Variants in CFAP44 observed in about 807,000 individuals in gnomAD.
CFAP44 encodes the protein cilia- and flagella-associated protein 44.
In CFAP44, 134 loss-of-function variants were observed where a neutral mutation model predicts 216.2. That is an observed-to-expected ratio of 0.62 (90% CI 0.54 to 0.72). The LOEUF is 0.72. Among genes scored for constraint, CFAP44 ranks in the 30% least tolerant of loss-of-function variants. The pLI, the probability that CFAP44 is intolerant of heterozygous loss-of-function variation, is 0.00. For synonymous variants in CFAP44, 700 were observed against 727.6 expected (o/e 0.96, Z 0.61); for missense variants, 2,035 against 2,182.1 (o/e 0.93, Z 1.34).
At position 113,333,500 on chromosome 3, in the gene CFAP44, A is replaced by G; in HGVS notation, c.3521T>C (p.Phe1174Ser). The G allele has an allele frequency of 2.0e-6, 3 of 1,537,136 alleles. No homozygotes were observed. Among genetic ancestry groups the G allele is most frequent in the South Asian group, 1.2e-5 (1 of 84,054 alleles). The change falls in exon 25 of 35, where the codon TTC becomes TCC. Residue 1174 changes from phenylalanine to serine, a missense_variant. Phe to Ser is a radical substitution (Grantham distance 155). Coordinates refer to ENST00000393845, the MANE Select transcript of CFAP44 (RefSeq NM_001164496.2). Reference protein sequence around the residue: ...IKEAQVYMGDFNLKTAPDYKI... With the variant: ...IKEAQVYMGDSNLKTAPDYKI... ...GTAGTCTGGGGCTGTCTTCAGATTG[A>G]AATCTCCCATATACACCTGGGCTTC...
chr3:113,396,213 T>C (rs75433974), intron 14 of CFAP44, among the ~76,000 whole-genome samples: 10,965 of 152,214 alleles, frequency 0.072, 443 homozygotes, highest in East Asian at 0.15. Context: ...CTGAATAAAA[T>C]ACTGATTATA....
intron 2 of CFAP44, among the ~76,000 whole-genome samples, chr3:113,431,369 G>A (rs1935101506): frequency 6.6e-6 from 1 of 152,080 alleles, no homozygotes; most frequent in African/African-American, 2.4e-5. Flanking sequence ...AGGAAGGCAG[G>A]TCCTGAAGGC....
At chr3:113,420,972 A>G (rs1559944260) in intron 4 of CFAP44, among the ~76,000 whole-genome samples, 2 of 151,996 alleles carry the variant, frequency 1.3e-5, no homozygotes, top group Non-Finnish European at 2.9e-5. Flanking sequence ...TATAGAGTAA[A>G]ATTGTACTAA....
chr3:113,305,219 T>C, intron 30 of CFAP44, 67 bp from the exon 31 acceptor site: 1 of 1,323,058 alleles, frequency 7.6e-7, no homozygotes, highest in Non-Finnish European at 1.0e-6. Context: ...AGATGGTGAA[T>C]GAAGGCATCT....
At chr3:113,430,072 A>G (rs1008528619) in intron 2 of CFAP44, among the ~76,000 whole-genome samples, 1 of 152,146 alleles carries the variant, frequency 6.6e-6, no homozygotes. Flanking sequence ...TTGCTGGGAC[A>G]TAAGACCAGT....
intron 15 of CFAP44, among the ~76,000 whole-genome samples, chr3:113,393,806 C>T (rs570447794): frequency 2.5e-4 from 38 of 152,212 alleles, no homozygotes; most frequent in South Asian, 2.1e-3. Context: ...TGAGCCACCG[C>T]GCCTGATCTC....
chr3:113,329,065 A>G (rs1332186466), intron 26 of CFAP44, among the ~76,000 whole-genome samples: 3 of 152,208 alleles, frequency 2.0e-5, no homozygotes, highest in African/African-American at 7.2e-5. Flanking sequence ...CTGAATATCT[A>G]TTATATGTTT....
chr3:113,292,544 C>T (rs2107784387), intron 34 of CFAP44, among the ~76,000 whole-genome samples: 1 of 152,336 alleles, frequency 6.6e-6, no homozygotes, highest in South Asian at 2.1e-4. Context: ...CCACTTTGTG[C>T]AAGGTGCTTT....
At chr3:113,350,755 C>G (rs990753909) in intron 22 of CFAP44, among the ~76,000 whole-genome samples, 1 of 152,202 alleles carries the variant, frequency 6.6e-6, no homozygotes, top group Admixed American at 6.5e-5. Context: ...TTAGAGGTAA[C>G]CTCATTGTGA....
intron 22 of CFAP44, 91 bp downstream of exon 22, chr3:113,358,651 CTCT>C: frequency 2.8e-6 from 4 of 1,440,992 alleles, no homozygotes; most frequent in Non-Finnish European, 3.6e-6. Flanking sequence ...TTCCAGAGCC[CTCT>C]TAACTGGCCA....
chr3:113,435,831 T>C (rs983229719), intron 1 of CFAP44, among the ~76,000 whole-genome samples: 1 of 151,546 alleles, frequency 6.6e-6, no homozygotes, highest in Non-Finnish European at 1.5e-5. Flanking sequence ...ACAAAAATAA[T>C]GTTTTACTTT....
intron 1 of CFAP44, among the ~76,000 whole-genome samples, chr3:113,436,114 C>T (rs1935233460): frequency 6.6e-6 from 1 of 152,196 alleles, no homozygotes; most frequent in Admixed American, 6.5e-5. Context: ...CACATCTCAA[C>T]ATCCACTCCA....
At chr3:113,437,820 TAAC>T (rs1308392086) in intron 1 of CFAP44, among the ~76,000 whole-genome samples, 1 of 152,156 alleles carries the variant, frequency 6.6e-6, no homozygotes, top group Non-Finnish European at 1.5e-5. Flanking sequence ...TTTGTTTTAA[TAAC>T]AAAGGGATTG....
intron 22 of CFAP44, among the ~76,000 whole-genome samples, chr3:113,358,331 A>G (rs1950509772): frequency 6.6e-6 from 1 of 152,084 alleles, no homozygotes; most frequent in Non-Finnish European, 1.5e-5. Context: ...AATGGCAAAA[A>G]AAAACATTCC....
chr3:113,407,630 T>C (rs976653282), intron 7 of CFAP44, among the ~76,000 whole-genome samples: 1 of 152,220 alleles, frequency 6.6e-6, no homozygotes, highest in Admixed American at 6.5e-5. Flanking sequence ...CCTCATAGAA[T>C]TGTTGAAAAA....
intron 21 of CFAP44, chr3:113,361,027 T>C (rs913122903): frequency 1.4e-4 from 39 of 288,618 alleles, no homozygotes; most frequent in Non-Finnish European, 2.7e-4. Flanking sequence ...GGCACATTTA[T>C]TGTTGCACAG....
intron 34 of CFAP44, 30 bp from the exon 35 acceptor site, chr3:113,291,778 G>A (rs925977903): frequency 1.3e-6 from 2 of 1,532,900 alleles, no homozygotes; most frequent in African/African-American, 2.7e-5. Flanking sequence ...CCCTGTTGAA[G>A]CATCATTTGG....
intron 28 of CFAP44, among the ~76,000 whole-genome samples, chr3:113,321,097 G>A (rs1576546763): frequency 6.6e-6 from 1 of 152,280 alleles, no homozygotes; most frequent in East Asian, 1.9e-4. Flanking sequence ...TAATATCTCT[G>A]ATGAGCATAG....
chr3:113,354,680 A>G, intron 22 of CFAP44, among the ~76,000 whole-genome samples: 1 of 152,066 alleles, frequency 6.6e-6, no homozygotes, highest in South Asian at 2.1e-4. Context: ...CCCTGCCCCC[A>G]CCTGGTGGTC....
Sources: allele counts gnomAD v4.1 joint callset (sites outside exome capture counted in the v4.1 genomes callset), GRCh38; gene constraint gnomAD v4.1.1; transcripts MANE v1.5; gene names NCBI Gene and HGNC (gene_info 2026-07-23, HGNC 2026-07-21).